Variants in CRACDL observed in about 807,000 individuals in gnomAD.
CRACDL encodes CRACD like.
CRACDL carries 26 observed loss-of-function variants against 70.6 expected under a neutral mutation model. That is an observed-to-expected ratio of 0.37 (90% confidence interval 0.27 to 0.51). The LOEUF (loss-of-function observed/expected upper bound fraction) is 0.51, where lower values mean the gene tolerates loss of function less well. Ranked by LOEUF, CRACDL falls within the 20% of genes least tolerant of loss-of-function variation. The pLI is 0.94. For synonymous variants in CRACDL, 618 were observed against 615.2 expected (o/e 1.00, Z -0.07); for missense variants, 1,283 against 1,376.9 (o/e 0.93, Z 1.08).
At chr2:98,846,645 C>T (rs1344128842) in intron 2 of CRACDL, 86 bp downstream of exon 2, 2 of 1,109,992 alleles carry the variant, frequency 1.8e-6, no homozygotes, top group African/African-American at 1.5e-5. Context: ...ATACAGAAAG[C>T]CCCAAAGGCC....
chr2:98,905,473 T>C (rs901649134), intron 1 of CRACDL, among the ~76,000 whole-genome samples: 3 of 152,200 alleles, frequency 2.0e-5, no homozygotes, highest in Non-Finnish European at 2.9e-5. Context: ...TATTCTTTTA[T>C]AACAACTTTT....
intron 1 of CRACDL, among the ~76,000 whole-genome samples, chr2:98,893,765 G>A (rs75140749): frequency 0.03 from 4,497 of 152,252 alleles, 166 homozygotes; most frequent in South Asian, 0.17. Flanking sequence ...AGTCTCCCAC[G>A]TCTATTTCTG....
chr2:98,819,625 G>A (rs1360817528), intron 7 of CRACDL, among the ~76,000 whole-genome samples: 1 of 152,096 alleles, frequency 6.6e-6, no homozygotes, highest in African/African-American at 2.4e-5. Context: ...GTCACGTTAG[G>A]AATTTAAAGC....
chr2:98,932,165 G>C (rs1355750621), intron 1 of CRACDL, among the ~76,000 whole-genome samples: 11 of 152,162 alleles, frequency 7.2e-5, no homozygotes, highest in African/African-American at 2.7e-4. Context: ...CAGCAGTACC[G>C]GTGTTTGCAG....
At chr2:98,880,645 C>T (rs979980007) in intron 1 of CRACDL, among the ~76,000 whole-genome samples, 4 of 151,992 alleles carry the variant, frequency 2.6e-5, no homozygotes, top group African/African-American at 4.8e-5. Flanking sequence ...GTTCTCTGGC[C>T]GCGAGGTCAG....
intron 1 of CRACDL, among the ~76,000 whole-genome samples, chr2:98,891,405 A>AAAAAAAAAAAT (rs1707977563): frequency 1.4e-5 from 2 of 147,966 alleles, no homozygotes; most frequent in South Asian, 2.1e-4. Context: ...AAAAAAAAAA[A>AAAAAAAAAAAT]TCCAAACTTT....
Position 98,811,552 on chromosome 2 carries a change from T to C in CRACDL, c.2416+10305A>G, listed in dbSNP as rs140897594. On this transcript the variant is annotated intron_variant, in intron 7 of 9. Coordinates refer to ENST00000397899, the MANE Select transcript of CRACDL (RefSeq NM_207362.3). Reference sequence around the variant, plus strand: ...AAAAAAAAAAAAAGAAAATTATTCTTACATTTATAGATAGTAAAATTCACC... The same window carrying C: ...AAAAAAAAAAAAAGAAAATTATTCTCACATTTATAGATAGTAAAATTCACC... Among the ~76,000 whole-genome samples the C allele has an allele frequency of 4.8e-3, 726 of 151,500 alleles. 5 individuals carry two copies. The highest frequency in any genetic ancestry group is 6.7e-3 in the Non-Finnish European group (454 of 67,848).
rs1377493361 is a variant in CRACDL, at chr2:98,822,370, G to T, written c.1903C>A (p.Arg635Ser). ...AKPGPRKLAE[R>S]GPQDSGDRAA... The stretch of plus-strand genomic sequence containing the variant: ...CTGTCCCCCGAGTCCTGAGGGCCGC[G>T]CTCCGCCAGCTTCCGAGGGCCAGGT... Residue 635 changes from arginine (R) to serine (S), a missense_variant, in exon 7 of 10, where the codon CGC (arginine) becomes AGC (serine). By Grantham distance (110) the Arg-to-Ser change is moderately radical. Transcript: ENST00000397899. The surrounding 1 kb of genome is among the most constrained non-coding windows in gnomAD (Gnocchi z 4.9). 1.4e-6 allele frequency: 2 copies of T among 1,472,582 alleles called. No homozygotes were observed. The highest frequency in any genetic ancestry group is 2.9e-5 in the East Asian group (1 of 34,856). 91.2% of individuals were successfully genotyped at this position (1,472,582 alleles called of 1,614,324 possible). A position where few individuals can be genotyped will look rare whatever the true frequency, so the allele number is the denominator to read the frequency against.
intron 1 of CRACDL, among the ~76,000 whole-genome samples, chr2:98,928,321 G>A (rs548003650): frequency 1.3e-5 from 2 of 152,310 alleles, no homozygotes; most frequent in East Asian, 1.9e-4. Flanking sequence ...ACAGAAGTTC[G>A]GAAGGCTCTG....
intron 1 of CRACDL, among the ~76,000 whole-genome samples, chr2:98,887,993 T>C (rs375021044): frequency 1.3e-4 from 20 of 152,330 alleles, no homozygotes; most frequent in African/African-American, 4.1e-4. Context: ...ACTAGATACA[T>C]GTGGTGGTTG....
chr2:98,920,997 G>A (rs561616584), intron 1 of CRACDL, among the ~76,000 whole-genome samples: 70 of 152,340 alleles, frequency 4.6e-4, no homozygotes, highest in Non-Finnish European at 9.0e-4. Context: ...GGACAAAGAA[G>A]CATTTATGCT....
At chr2:98,808,296 A>G (rs1704404906) in intron 7 of CRACDL, among the ~76,000 whole-genome samples, 1 of 152,192 alleles carries the variant, frequency 6.6e-6, no homozygotes, top group African/African-American at 2.4e-5. Flanking sequence ...GCCACACATT[A>G]GAACCACCTG....
At chr2:98,829,645 G>A (rs1249597932) in intron 5 of CRACDL, among the ~76,000 whole-genome samples, 1 of 152,200 alleles carries the variant, frequency 6.6e-6, no homozygotes, top group Non-Finnish European at 1.5e-5. Context: ...TAAAAGTCTA[G>A]CATGTGTCTC....
At chr2:98,805,728 G>A (rs1452514732) in intron 7 of CRACDL, among the ~76,000 whole-genome samples, 1 of 152,228 alleles carries the variant, frequency 6.6e-6, no homozygotes, top group African/African-American at 2.4e-5. Context: ...CCACCAGCAT[G>A]GGGCTGCCAG....
intron 2 of CRACDL, among the ~76,000 whole-genome samples, chr2:98,845,651 G>A (rs12622681): frequency 0.078 from 11,850 of 152,204 alleles, 847 homozygotes; most frequent in East Asian, 0.36. Flanking sequence ...CTTTTCTTCA[G>A]TAACCTCTGT....
chr2:98,867,136 A>G (rs555643954), intron 1 of CRACDL, among the ~76,000 whole-genome samples: 7 of 152,340 alleles, frequency 4.6e-5, no homozygotes, highest in Non-Finnish European at 8.8e-5. Context: ...TCTTTGCAAG[A>G]AAATACCATA....
intron 1 of CRACDL, among the ~76,000 whole-genome samples, chr2:98,934,671 G>A (rs912073107): frequency 6.6e-6 from 1 of 152,146 alleles, no homozygotes; most frequent in Non-Finnish European, 1.5e-5. Flanking sequence ...GTAAGAACTT[G>A]ACTCGTGGAG....
intron 1 of CRACDL, among the ~76,000 whole-genome samples, chr2:98,932,969 G>A (rs776926081): frequency 1.3e-5 from 2 of 152,166 alleles, no homozygotes; most frequent in Non-Finnish European, 2.9e-5. Flanking sequence ...AGCAGGGGTG[G>A]GGCTGAGGGG....
intron 5 of CRACDL, among the ~76,000 whole-genome samples, chr2:98,829,622 A>C (rs1375849186): frequency 6.6e-6 from 1 of 152,170 alleles, no homozygotes; most frequent in African/African-American, 2.4e-5. Context: ...GATGATTCTG[A>C]AAGCAGAGGA....
Sources: allele counts gnomAD v4.1 joint callset (sites outside exome capture counted in the v4.1 genomes callset), GRCh38; gene constraint gnomAD v4.1.1; non-coding constraint Gnocchi (gnomAD v3.1); transcripts MANE v1.5; gene names NCBI Gene and HGNC (gene_info 2026-07-23, HGNC 2026-07-21).